GFOD1: variants seen among roughly 807,000 people sequenced by gnomAD.
GFOD1 encodes Gfo/Idh/MocA-like oxidoreductase domain containing 1, also known as glucose-fructose oxidoreductase domain-containing protein 1.
A neutral mutation model predicts 25.4 loss-of-function variants in GFOD1; 9 were observed. That is an observed-to-expected ratio of 0.35 (90% CI 0.21 to 0.62). The LOEUF (loss-of-function observed/expected upper bound fraction) is 0.62, where lower values mean the gene tolerates loss of function less well. Ranked by LOEUF, GFOD1 falls within the 20% of genes least tolerant of loss-of-function variation. GFOD1 has a pLI of 0.72. For synonymous variants in GFOD1, 253 were observed against 245.6 expected (o/e 1.03, Z -0.28); for missense variants, 403 against 556.9 (o/e 0.72, Z 2.78).
At chr6:13,379,435 T>C (rs1785316284) in intron 1 of GFOD1, among the ~76,000 whole-genome samples, 1 of 152,128 alleles carries the variant, frequency 6.6e-6, no homozygotes, top group African/African-American at 2.4e-5. Context: ...TGGAGGAAGG[T>C]GGAGATCTGT....
At chr6:13,373,776 C>T (rs779041606) in intron 1 of GFOD1, among the ~76,000 whole-genome samples, 197 of 91,940 alleles carry the variant, frequency 2.1e-3, no homozygotes, top group Non-Finnish European at 3.1e-3. Flanking sequence ...ACACACACTA[C>T]GCTTTTTTTT....
chr6:13,486,010 C>A, intron 1 of GFOD1: 1 of 985,498 alleles, frequency 1.0e-6, no homozygotes, highest in Non-Finnish European at 1.2e-6. Context: ...ACCGTCCTTG[C>A]CTCCAGCGCA....
At chr6:13,409,573 A>G (rs1786033487) in intron 1 of GFOD1, among the ~76,000 whole-genome samples, 1 of 152,228 alleles carries the variant, frequency 6.6e-6, no homozygotes, top group Admixed American at 6.5e-5. Flanking sequence ...GGAGTATAAC[A>G]CATAGTTTAT....
chr6:13,451,642 T>C (rs1013809031), intron 1 of GFOD1, among the ~76,000 whole-genome samples: 1 of 152,178 alleles, frequency 6.6e-6, no homozygotes, highest in African/African-American at 2.4e-5. Context: ...GCAGCTTGCC[T>C]TGGCCCCAGG....
intron 1 of GFOD1, among the ~76,000 whole-genome samples, chr6:13,428,712 G>A (rs954927731): frequency 2.0e-5 from 3 of 152,044 alleles, no homozygotes; most frequent in South Asian, 2.1e-4. Flanking sequence ...CAGGGCGGGC[G>A]GCAGGAGTAC....
intron 1 of GFOD1, among the ~76,000 whole-genome samples, chr6:13,433,706 T>C (rs1259450011): frequency 6.6e-6 from 1 of 152,108 alleles, no homozygotes; most frequent in African/African-American, 2.4e-5. Context: ...TCCCTCTCTC[T>C]TCAGTGCACT....
At chr6:13,409,677 T>G (rs1786034969) in intron 1 of GFOD1, among the ~76,000 whole-genome samples, 1 of 152,092 alleles carries the variant, frequency 6.6e-6, no homozygotes, top group African/African-American at 2.4e-5. Flanking sequence ...ATCCCAACAC[T>G]TTGGAAGCCC....
intron 1 of GFOD1, among the ~76,000 whole-genome samples, chr6:13,456,302 G>A (rs1369739951): frequency 6.6e-6 from 1 of 152,070 alleles, no homozygotes; most frequent in East Asian, 1.9e-4. Context: ...AGCCTCCTGA[G>A]TAGCTGGGAC....
chr6:13,373,511 T>C (rs769467968), intron 1 of GFOD1, among the ~76,000 whole-genome samples: 3 of 152,138 alleles, frequency 2.0e-5, no homozygotes, highest in East Asian at 1.9e-4. Flanking sequence ...TTAAGCAGAA[T>C]TGGAGTTTAG....
intron 1 of GFOD1, chr6:13,486,329 C>T: frequency 4.5e-6 from 2 of 440,862 alleles, no homozygotes; most frequent in East Asian, 4.8e-5. Context: ...GCACCCTATC[C>T]CCTATTATCG....
intron 1 of GFOD1, among the ~76,000 whole-genome samples, chr6:13,413,863 T>A (rs573753524): frequency 1.3e-5 from 2 of 152,304 alleles, no homozygotes; most frequent in South Asian, 4.1e-4. Flanking sequence ...TTGCACAGGT[T>A]AATGGGACCA....
chr6:13,481,658 G>A (rs1281988658), intron 1 of GFOD1, among the ~76,000 whole-genome samples: 1 of 152,210 alleles, frequency 6.6e-6, no homozygotes, highest in African/African-American at 2.4e-5. Flanking sequence ...AAACAAGACT[G>A]GACCCAGGCA....
chr6:13,419,980 T>C (rs1405077453), intron 1 of GFOD1, among the ~76,000 whole-genome samples: 2 of 152,186 alleles, frequency 1.3e-5, no homozygotes, highest in African/African-American at 2.4e-5. Context: ...GCTGAGGGGA[T>C]GCAGTCATCT....
At chr6:13,446,214 G>T (rs1304261206) in intron 1 of GFOD1, among the ~76,000 whole-genome samples, 2 of 152,180 alleles carry the variant, frequency 1.3e-5, no homozygotes, top group East Asian at 3.8e-4. Context: ...ACAGGCTTTT[G>T]AAATAGCCAC....
intron 1 of GFOD1, among the ~76,000 whole-genome samples, chr6:13,385,416 T>C (rs897489566): frequency 2.6e-5 from 4 of 152,200 alleles, no homozygotes; most frequent in African/African-American, 9.6e-5. Context: ...ATAGTTATGG[T>C]GGGAGCCTCC....
chr6:13,416,943 C>T (rs770473925), intron 1 of GFOD1, among the ~76,000 whole-genome samples: 1 of 152,070 alleles, frequency 6.6e-6, no homozygotes, highest in Non-Finnish European at 1.5e-5. Context: ...TGAAGAGGAC[C>T]CAGGGTAGAG....
chr6:13,418,850 G>A (rs1275934749), intron 1 of GFOD1, among the ~76,000 whole-genome samples: 1 of 152,192 alleles, frequency 6.6e-6, no homozygotes, highest in Non-Finnish European at 1.5e-5. Flanking sequence ...CTGGTCCAGC[G>A]AGAGCCTTCC....
intron 1 of GFOD1, among the ~76,000 whole-genome samples, chr6:13,436,962 C>T (rs1443626229): frequency 7.9e-5 from 12 of 152,240 alleles, no homozygotes; most frequent in Non-Finnish European, 4.4e-5. Context: ...AGCCCCAGGC[C>T]AAGCTGCTGG....
intron 1 of GFOD1, among the ~76,000 whole-genome samples, chr6:13,456,589 A>G (rs1758194248): frequency 6.6e-6 from 1 of 152,226 alleles, no homozygotes; most frequent in African/African-American, 2.4e-5. Context: ...CATCACGGTC[A>G]CCTCTAATCC....
Sources: gnomAD v4.1 joint callset for allele counts (sites outside exome capture counted in the v4.1 genomes callset) on GRCh38, gnomAD v4.1.1 for gene constraint, MANE v1.5 for transcripts, NCBI Gene and HGNC (gene_info 2026-07-23, HGNC 2026-07-21) for gene names.